Variants in MALRD1 observed in about 807,000 individuals in gnomAD.
MALRD1 encodes MAM and LDL receptor class A domain containing 1, also known as MAM and LDL-receptor class A domain-containing protein 1.
Under a neutral mutation model 242.1 loss-of-function variants are expected in MALRD1, and 247 were observed. That is an observed-to-expected ratio of 1.02 (90% CI 0.92 to 1.13). MALRD1 has a LOEUF of 1.13. Among genes scored for constraint, MALRD1 ranks in the 50% most tolerant of loss-of-function variants. MALRD1 has a pLI of 0.00. For synonymous variants in MALRD1, 995 were observed against 866.6 expected (o/e 1.15, Z -2.60); for missense variants, 2,989 against 2,533.1 (o/e 1.18, Z -3.86).
At chr10:19,210,990 T>C (rs1837026724) in intron 18 of MALRD1, among the ~76,000 whole-genome samples, 1 of 152,204 alleles carries the variant, frequency 6.6e-6, no homozygotes, top group African/African-American at 2.4e-5. Context: ...CATGTAATCA[T>C]ATGGAATGAA....
At chr10:19,667,724 A>T (rs889391756) in intron 36 of MALRD1, among the ~76,000 whole-genome samples, 2 of 152,106 alleles carry the variant, frequency 1.3e-5, no homozygotes, top group African/African-American at 4.8e-5. Flanking sequence ...AGCTGAGCAG[A>T]TGCAGCACCA....
chr10:19,215,722 T>C (rs1837281976), intron 18 of MALRD1, among the ~76,000 whole-genome samples: 2 of 115,602 alleles, frequency 1.7e-5, no homozygotes, highest in African/African-American at 3.0e-5. Context: ...CTATAATAAA[T>C]TAGTATAAAT....
intron 36 of MALRD1, among the ~76,000 whole-genome samples, chr10:19,616,288 T>A (rs886387482): frequency 1.3e-5 from 2 of 152,048 alleles, no homozygotes; most frequent in African/African-American, 4.8e-5. Context: ...CTCTTTTCAT[T>A]TCAATGTTCT....
intron 38 of MALRD1, among the ~76,000 whole-genome samples, chr10:19,700,021 GACACACACACAC>G (rs58040272): frequency 1.1e-4 from 16 of 141,270 alleles, no homozygotes; most frequent in East Asian, 4.2e-4. Flanking sequence ...AATTGATTTA[GACACACACACAC>G]ACACACACAC....
intron 21 of MALRD1, among the ~76,000 whole-genome samples, chr10:19,306,020 ATATAC>A (rs1400532926): frequency 1.5e-4 from 17 of 112,292 alleles, no homozygotes; most frequent in East Asian, 1.4e-3. Flanking sequence ...TATATATTAT[ATATAC>A]TATACTATAT....
chr10:19,361,208 T>C (rs1844884570), intron 26 of MALRD1, among the ~76,000 whole-genome samples: 1 of 152,182 alleles, frequency 6.6e-6, no homozygotes, highest in Non-Finnish European at 1.5e-5. Flanking sequence ...GCCAATGGAA[T>C]GTGAACATAT....
At chr10:19,679,274 A>G (rs973048217) in intron 36 of MALRD1, among the ~76,000 whole-genome samples, 2 of 152,088 alleles carry the variant, frequency 1.3e-5, no homozygotes, top group African/African-American at 2.4e-5. Flanking sequence ...TTCAGTAGTA[A>G]ATTCAACTGG....
intron 14 of MALRD1, among the ~76,000 whole-genome samples, chr10:19,181,114 A>G (rs1002068732): frequency 6.6e-6 from 1 of 152,132 alleles, no homozygotes; most frequent in Non-Finnish European, 1.5e-5. Context: ...TGTTGGTGCA[A>G]ATGTGAATTG....
chr10:19,335,198 T>G (rs997364405), intron 24 of MALRD1, among the ~76,000 whole-genome samples: 11 of 150,022 alleles, frequency 7.3e-5, no homozygotes, highest in Non-Finnish European at 1.0e-4. Context: ...TTTTGTTTTT[T>G]TTTTTTTTTA....
At chr10:19,231,008 A>G (rs979008257) in intron 18 of MALRD1, among the ~76,000 whole-genome samples, 23 of 152,210 alleles carry the variant, frequency 1.5e-4, no homozygotes, top group African/African-American at 4.3e-4. Flanking sequence ...TCCTCCCTCA[A>G]AACTGAAGTT....
At chr10:19,672,548 C>T (rs1028498871) in intron 36 of MALRD1, among the ~76,000 whole-genome samples, 1 of 151,664 alleles carries the variant, frequency 6.6e-6, no homozygotes, top group Non-Finnish European at 1.5e-5. Flanking sequence ...CTCAGCTTCC[C>T]GAGTAGCTGG....
chr10:19,246,976 G>A (rs1839083814), intron 18 of MALRD1, among the ~76,000 whole-genome samples: 1 of 151,866 alleles, frequency 6.6e-6, no homozygotes, highest in African/African-American at 2.4e-5. Flanking sequence ...ATGACTTACT[G>A]CCATCAAAAA....
At chr10:19,358,919 A>G (rs1844766302) in intron 26 of MALRD1, among the ~76,000 whole-genome samples, 1 of 152,206 alleles carries the variant, frequency 6.6e-6, no homozygotes, top group African/African-American at 2.4e-5. Flanking sequence ...CTTCAGAAAA[A>G]AAAATTGCTT....
intron 24 of MALRD1, among the ~76,000 whole-genome samples, chr10:19,337,675 A>C (rs1018281162): frequency 1.3e-5 from 2 of 152,090 alleles, no homozygotes; most frequent in African/African-American, 4.8e-5. Context: ...ATTTACAAAT[A>C]TTTATCATCA....
At chr10:19,419,471 TTTG>T (rs1327290269) in intron 28 of MALRD1, among the ~76,000 whole-genome samples, 1 of 152,168 alleles carries the variant, frequency 6.6e-6, no homozygotes, top group Admixed American at 6.5e-5. Flanking sequence ...ATTTAATTTT[TTTG>T]TTGTTGTTAT....
chr10:19,201,222 CTAATT>C (rs1436656471), intron 14 of MALRD1, among the ~76,000 whole-genome samples: 1 of 151,934 alleles, frequency 6.6e-6, no homozygotes, highest in Non-Finnish European at 1.5e-5. Flanking sequence ...AACTAGAAGA[CTAATT>C]TAATTGATTA....
chr10:19,690,528 A>T (rs1387255020), intron 36 of MALRD1, among the ~76,000 whole-genome samples: 1 of 152,028 alleles, frequency 6.6e-6, no homozygotes, highest in Non-Finnish European at 1.5e-5. Flanking sequence ...TTTCTCACCA[A>T]ATCTTTCTGT....
chr10:19,456,868 G>T (rs1029066085), intron 29 of MALRD1, among the ~76,000 whole-genome samples: 2 of 151,730 alleles, frequency 1.3e-5, no homozygotes, highest in African/African-American at 4.8e-5. Flanking sequence ...CACCTCCTGG[G>T]TTCAAGCGAT....
chr10:19,199,437 A>G (rs7916072), intron 14 of MALRD1, among the ~76,000 whole-genome samples: 64,869 of 152,116 alleles, frequency 0.43, 14,190 homozygotes, highest in Admixed American at 0.53. Context: ...GGTTAGAATC[A>G]TGACAATAAT....
Sources: gnomAD v4.1 joint callset for allele counts (sites outside exome capture counted in the v4.1 genomes callset) on GRCh38, gnomAD v4.1.1 for gene constraint, MANE v1.5 for transcripts, NCBI Gene and HGNC (gene_info 2026-07-23, HGNC 2026-07-21) for gene names.